Variants in KIRREL3 observed in about 807,000 individuals in gnomAD.
KIRREL3 encodes kirre like nephrin family adhesion molecule 3, also known as kin of IRRE-like protein 3.
KIRREL3 carries 36 observed loss-of-function variants against 89.7 expected under a neutral mutation model. The observed-to-expected ratio is 0.40, with a 90% CI of 0.31 to 0.53. The LOEUF (loss-of-function observed/expected upper bound fraction) is 0.53, where lower values mean the gene tolerates loss of function less well. KIRREL3 is among the 20% of genes least tolerant of loss of function. The probability of loss-of-function intolerance (pLI) is 0.49; values close to 1 mark genes in which losing one functional copy is unlikely to be tolerated. For synonymous variants in KIRREL3, 445 were observed against 441.4 expected, an observed-to-expected ratio of 1.01 and a Z score of -0.10; for missense variants, 864 against 1,056.6, an observed-to-expected ratio of 0.82 and a Z score of 2.53.
At chr11:126,584,160 AC>A (rs1941703615) in intron 1 of KIRREL3, among the ~76,000 whole-genome samples, 4 of 152,282 alleles carry the variant, frequency 2.6e-5, no homozygotes, top group East Asian at 3.9e-4. Context: ...CAGCCAGGGC[AC>A]CCGATGAATT....
rs1003150765 is a variant in KIRREL3 at position 126,877,605 on chromosome 11, A to G, written c.55+122850T>C. On this transcript the variant is annotated intron_variant, in intron 1 of 16. Coordinates refer to ENST00000525144, the MANE Select transcript of KIRREL3 (RefSeq NM_032531.4). This position sits in a 1 kb window ranked among gnomAD's most constrained non-coding sequence, Gnocchi z 4.9. ...AGAATCAATTGACGTAGATGAAAGC[A>G]TTTTTGACTTGGCTTATTTGAAAAA... 1.3e-5 allele frequency among the ~76,000 whole-genome samples: 2 copies of G among 152,236 alleles called. No homozygotes were observed. The highest frequency in any genetic ancestry group is 2.4e-5 in the African/African-American group (1 of 41,464).
intron 1 of KIRREL3, among the ~76,000 whole-genome samples, chr11:126,849,384 T>C (rs1464272981): frequency 6.6e-6 from 1 of 152,214 alleles, no homozygotes; most frequent in Non-Finnish European, 1.5e-5. Context: ...CTGCTCTACC[T>C]GTGGAATAGC....
rs1438510664 is a variant in KIRREL3 at position 126,890,574 on chromosome 11, G to A, written c.55+109881C>T. On this transcript the variant is annotated intron_variant, in intron 1 of 16. Transcript: ENST00000525144. This position sits in a 1 kb window ranked among gnomAD's most constrained non-coding sequence, Gnocchi z 5.1. ...TTCTGCTCCCTGGCTGTGGACAGAA[G>A]GCACCTGGAGGGGTGCTGTGGGAGT... Among the ~76,000 whole-genome samples the A allele has an allele frequency of 6.6e-6, 1 of 152,250 alleles. No homozygotes were observed. Among genetic ancestry groups the A allele is most frequent in the African/African-American group, 2.4e-5 (1 of 41,476 alleles).
At position 126,782,368 on chromosome 11, in the gene KIRREL3, A is replaced by G. The variant is rs73020595; in HGVS notation, c.55+218087T>C. Among the ~76,000 whole-genome samples the G allele has an allele frequency of 1.1e-3, 165 of 152,342 alleles. No individual in the cohort carries two copies. Among genetic ancestry groups the G allele is most frequent in the Non-Finnish European group, 2.1e-3 (140 of 68,040 alleles). On this transcript the variant is annotated intron_variant, in intron 1 of 16. Transcript: ENST00000525144. This position sits in a 1 kb window ranked among gnomAD's most constrained non-coding sequence, Gnocchi z 4.1. ...CTTTGCCTGGCTTATTCAGACTAAT[A>G]CAAAGATATAACTAACTGATAGCAG...
At position 126,682,086 on chromosome 11, in the gene KIRREL3, A is replaced by G. The variant is rs1442108631; in HGVS notation, c.56-119174T>C. 3 of 343,862 alleles carry G rather than the reference A, an allele frequency of 8.7e-6. No homozygotes were observed. Among genetic ancestry groups the G allele is most frequent in the Admixed American group, 3.9e-5 (1 of 25,832 alleles). The allele number at this position is 343,862 out of a possible 1,614,324, so 21.3% of individuals were successfully genotyped here. A position where few individuals can be genotyped will look rare whatever the true frequency, so the allele number is the denominator to read the frequency against. On this transcript the variant is annotated intron_variant, in intron 1 of 16. Coordinates refer to ENST00000525144, the MANE Select transcript of KIRREL3 (RefSeq NM_032531.4). This position sits in a 1 kb window ranked among gnomAD's most constrained non-coding sequence, Gnocchi z 4.8. ...ATTTTATTTGATGCAAAGCAATAAA[A>G]TATTCCTCCCTCCTGTGACCACCGA...
rs1298398878 is a variant in KIRREL3, at chr11:126,773,161, T to C, written c.56-210249A>G. Among the ~76,000 whole-genome samples the C allele has an allele frequency of 6.6e-6, 1 of 152,188 alleles. No individual in the cohort carries two copies. The highest frequency in any genetic ancestry group is 1.5e-5 in the Non-Finnish European group (1 of 68,034). On this transcript the variant is annotated intron_variant, in intron 1 of 16. Transcript: ENST00000525144. The surrounding 1 kb of genome is among the most constrained non-coding windows in gnomAD (Gnocchi z 4.2). ...GATTTTGTAGGTCTGTGATGATTGA[T>C]TTTTTGTGTCAACTTTGCTGGGACA...
At chr11:126,850,729 A>G (rs1219974603) in intron 1 of KIRREL3, among the ~76,000 whole-genome samples, 2 of 152,112 alleles carry the variant, frequency 1.3e-5, no homozygotes, top group East Asian at 3.9e-4. Flanking sequence ...AAAAGGAAGG[A>G]CTCAACTGGT....
At chr11:126,533,051 C>T (rs577704594) in intron 2 of KIRREL3, among the ~76,000 whole-genome samples, 14 of 152,280 alleles carry the variant, frequency 9.2e-5, no homozygotes, top group East Asian at 3.9e-4. Context: ...AAGCAATCCT[C>T]GTGCCTCAGC....
intron 2 of KIRREL3, among the ~76,000 whole-genome samples, chr11:126,534,225 A>G (rs1466777852): frequency 7.2e-6 from 1 of 138,336 alleles, no homozygotes; most frequent in African/African-American, 2.7e-5. Flanking sequence ...AAGAGGTGGG[A>G]GAATGTTCCC....
intron 1 of KIRREL3, among the ~76,000 whole-genome samples, chr11:126,856,692 T>C (rs1246357284): frequency 1.3e-5 from 2 of 151,680 alleles, no homozygotes; most frequent in Non-Finnish European, 2.9e-5. Flanking sequence ...CTCGGCTCAC[T>C]GCAAGCTCTG....
chr11:126,844,054 C>T lies in KIRREL3; in HGVS notation c.55+156401G>A, dbSNP rs979762720. Among the ~76,000 whole-genome samples the T allele has an allele frequency of 1.3e-5, 2 of 152,262 alleles. No individual in the cohort carries two copies. The highest frequency in any genetic ancestry group is 4.1e-4 in the South Asian group (2 of 4,826). On this transcript the variant is annotated intron_variant, in intron 1 of 16. Coordinates refer to ENST00000525144, the MANE Select transcript of KIRREL3 (RefSeq NM_032531.4). This position sits in a 1 kb window ranked among gnomAD's most constrained non-coding sequence, Gnocchi z 4.8. The stretch of plus-strand genomic sequence containing the variant: ...TTGCTTTCACTTTATGCTCTGGACT[C>T]GCCCTGAATTCTTTCTTGTACGAGA...
intron 1 of KIRREL3, among the ~76,000 whole-genome samples, chr11:126,790,127 T>C (rs550978513): frequency 2.0e-5 from 3 of 152,340 alleles, no homozygotes; most frequent in East Asian, 3.9e-4. Flanking sequence ...CTAACTCCCC[T>C]TACCCACTCT....
rs1479193796 is a variant in KIRREL3, at chr11:126,521,173, T to G, written c.433+142A>C. 1 of 868,930 alleles carries G rather than the reference T, an allele frequency of 1.2e-6. No individual in the cohort carries two copies. Among genetic ancestry groups the G allele is most frequent in the Non-Finnish European group, 1.6e-6 (1 of 621,012 alleles). The allele number at this position is 868,930 out of a possible 1,614,324, so 53.8% of individuals were successfully genotyped here. ...TGGGTGGGAAGGTGGGCATGGATAT[T>G]GTGGAAGCAGCAGTGTCTGGAGCCC... On this transcript the variant is annotated intron_variant, in intron 4 of 16. Coordinates refer to ENST00000525144, the MANE Select transcript of KIRREL3 (RefSeq NM_032531.4). This position sits in a 1 kb window ranked among gnomAD's most constrained non-coding sequence, Gnocchi z 4.1.
chr11:126,856,861 G>A (rs975575361), intron 1 of KIRREL3, among the ~76,000 whole-genome samples: 2 of 152,028 alleles, frequency 1.3e-5, no homozygotes, highest in African/African-American at 4.8e-5. Context: ...CCAAAGTGCT[G>A]GGATTACAGG....
At chr11:126,746,992 G>GCTGAAGCATATT (rs1949173653) in intron 1 of KIRREL3, among the ~76,000 whole-genome samples, 1 of 152,174 alleles carries the variant, frequency 6.6e-6, no homozygotes, top group African/African-American at 2.4e-5. Context: ...ATTAGTGCTG[G>GCTGAAGCATATT]CTGCTTCCAG....
At chr11:126,529,796 A>C (rs931167146) in intron 2 of KIRREL3, among the ~76,000 whole-genome samples, 3 of 151,832 alleles carry the variant, frequency 2.0e-5, no homozygotes, top group African/African-American at 7.3e-5. Flanking sequence ...TTTTCAGTCC[A>C]ATTTTAATTT....
chr11:126,438,213 GT>G (rs1446160161), intron 11 of KIRREL3, among the ~76,000 whole-genome samples: 2 of 152,264 alleles, frequency 1.3e-5, no homozygotes, highest in Non-Finnish European at 2.9e-5. Flanking sequence ...CCTGTGTGAT[GT>G]TGTATGTCTG....
intron 1 of KIRREL3, among the ~76,000 whole-genome samples, chr11:126,899,978 T>C (rs1946309710): frequency 6.6e-6 from 1 of 152,210 alleles, no homozygotes; most frequent in African/African-American, 2.4e-5. Context: ...AACCGCTCTT[T>C]AGTTAAGCAA....
At chr11:126,585,481 G>T (rs1941791114) in intron 1 of KIRREL3, among the ~76,000 whole-genome samples, 2 of 151,844 alleles carry the variant, frequency 1.3e-5, no homozygotes, top group Admixed American at 1.3e-4. Flanking sequence ...TGATCCGCCC[G>T]CCTCAGCCTC....
Sources: allele counts gnomAD v4.1 joint callset (sites outside exome capture counted in the v4.1 genomes callset), GRCh38; gene constraint gnomAD v4.1.1; non-coding constraint Gnocchi (gnomAD v3.1); transcripts MANE v1.5; gene names NCBI Gene and HGNC (gene_info 2026-07-23, HGNC 2026-07-21).